UTRN: variants seen among roughly 807,000 people sequenced by gnomAD.
UTRN encodes the protein utrophin.
UTRN carries 283 observed loss-of-function variants against 463.9 expected under a neutral mutation model. That is an observed-to-expected ratio of 0.61 (90% CI 0.55 to 0.67). The LOEUF is 0.67. Ranked by LOEUF, UTRN falls within the 30% of genes least tolerant of loss-of-function variation. The pLI is 0.00. For missense variants in UTRN, 3,922 were observed against 4,084.3 expected, an observed-to-expected ratio of 0.96 and a Z score of 1.08; for synonymous variants, 1,442 against 1,431.5, an observed-to-expected ratio of 1.01 and a Z score of -0.17.
chr6:144,636,393 G>A (rs749525601), intron 51 of UTRN, among the ~76,000 whole-genome samples: 1 of 152,104 alleles, frequency 6.6e-6, no homozygotes. Flanking sequence ...GCCTGTCAGG[G>A]GGTGGGGGGC....
intron 50 of UTRN, among the ~76,000 whole-genome samples, chr6:144,560,037 C>T (rs907477461): frequency 2.0e-5 from 3 of 151,992 alleles, no homozygotes; most frequent in Non-Finnish European, 2.9e-5. Context: ...TTTTGAGTGT[C>T]GTCTCATTGT....
At chr6:144,291,277 G>A (rs964822104) in intron 1 of UTRN, among the ~76,000 whole-genome samples, 1 of 152,204 alleles carries the variant, frequency 6.6e-6, no homozygotes, top group Non-Finnish European at 1.5e-5. Context: ...ACACTGGCTT[G>A]TGCTCCATTC....
intron 53 of UTRN, among the ~76,000 whole-genome samples, chr6:144,724,009 C>CAAAAA (rs59598919): frequency 4.1e-4 from 24 of 58,602 alleles, no homozygotes; most frequent in Non-Finnish European, 5.9e-4. Flanking sequence ...GACTCCATCT[C>CAAAAA]AAAAAAAAAA....
intron 51 of UTRN, among the ~76,000 whole-genome samples, chr6:144,633,999 G>T (rs1210460455): frequency 6.6e-6 from 1 of 152,242 alleles, no homozygotes; most frequent in East Asian, 1.9e-4. Context: ...TAGCTGCACA[G>T]CTGAGCAAAA....
chr6:144,533,379 AT>A, intron 43 of UTRN, 119 bp downstream of exon 43: 2 of 1,457,442 alleles, frequency 1.4e-6, no homozygotes, highest in Non-Finnish European at 1.8e-6. Context: ...TTTTACTGAC[AT>A]TTAAGACCTC....
chr6:144,313,575 T>C (rs548424989), intron 2 of UTRN, among the ~76,000 whole-genome samples: 55 of 152,326 alleles, frequency 3.6e-4, no homozygotes, highest in African/African-American at 1.3e-3. Flanking sequence ...TGGGAAGGGC[T>C]TTGCACCCAA....
chr6:144,735,451 G>C (rs568303578), intron 54 of UTRN, among the ~76,000 whole-genome samples: 2 of 152,266 alleles, frequency 1.3e-5, no homozygotes, highest in East Asian at 3.9e-4. Context: ...ACGGCAGATG[G>C]GGATGAGATG....
chr6:144,776,680 T>TCACTATCA (rs1433475727), intron 60 of UTRN, among the ~76,000 whole-genome samples: 157 of 152,314 alleles, frequency 1.0e-3, no homozygotes, highest in African/African-American at 3.6e-3. Context: ...CACCATTTCA[T>TCACTATCA]CATCCACTTA....
intron 54 of UTRN, among the ~76,000 whole-genome samples, chr6:144,734,577 G>A (rs1237295434): frequency 6.6e-6 from 1 of 152,060 alleles, no homozygotes; most frequent in African/African-American, 2.4e-5. Context: ...GCCGCTCTTG[G>A]CTCCTTTGTC....
intron 51 of UTRN, among the ~76,000 whole-genome samples, chr6:144,622,503 TC>T (rs1775531114): frequency 6.6e-6 from 1 of 152,202 alleles, no homozygotes; most frequent in South Asian, 2.1e-4. Flanking sequence ...TATCTTCTAA[TC>T]AAGAAAAGAT....
At chr6:144,306,407 G>C (rs141243767) in intron 2 of UTRN, among the ~76,000 whole-genome samples, 5 of 152,246 alleles carry the variant, frequency 3.3e-5, no homozygotes, top group South Asian at 4.1e-4. Flanking sequence ...GGAAGGAGGA[G>C]AGGGGAGAGT....
intron 23 of UTRN, among the ~76,000 whole-genome samples, chr6:144,465,892 G>A (rs1789911022): frequency 6.6e-6 from 1 of 152,162 alleles, no homozygotes; most frequent in African/African-American, 2.4e-5. Context: ...GAACAAAATA[G>A]TTAACTCGTT....
intron 2 of UTRN, among the ~76,000 whole-genome samples, chr6:144,372,168 C>A (rs939466718): frequency 3.9e-5 from 6 of 152,240 alleles, no homozygotes. Context: ...TTAAGTTAAT[C>A]ATTTTTAATC....
chr6:144,463,007 A>G lies in UTRN; in HGVS notation c.3066+141A>G, dbSNP rs905038968. The G allele has an allele frequency of 2.5e-5, 20 of 793,102 alleles. No individual in the cohort carries two copies. The African/African-American group carries it at 3.2e-4, about 13-fold the overall frequency. The allele number at this position is 793,102 out of a possible 1,614,324, so 49.1% of individuals were successfully genotyped here. ...TTATGTATTTAAGTTGGGACTTATCAAAGATGTACTTTTAATGTGCTAGAG... is the reference window on the plus strand; with the variant it reads ...TTATGTATTTAAGTTGGGACTTATCGAAGATGTACTTTTAATGTGCTAGAG... On this transcript the variant is annotated intron_variant, in intron 23 of 74. Transcript: ENST00000367545.
intron 50 of UTRN, among the ~76,000 whole-genome samples, chr6:144,571,979 G>A (rs188278852): frequency 2.8e-4 from 42 of 152,204 alleles, no homozygotes; most frequent in Non-Finnish European, 4.4e-4. Flanking sequence ...CCTGTTGCTT[G>A]GATCTCATGG....
chr6:144,582,597 G>C (rs1349944913), intron 51 of UTRN, among the ~76,000 whole-genome samples: 1 of 152,144 alleles, frequency 6.6e-6, no homozygotes. Flanking sequence ...TGAAGATGCT[G>C]TCTAAGGGGA....
chr6:144,495,444 G>C (rs1405674085), intron 33 of UTRN, among the ~76,000 whole-genome samples: 9 of 152,256 alleles, frequency 5.9e-5, no homozygotes, highest in Non-Finnish European at 1.3e-4. Flanking sequence ...TGCTCCGAGT[G>C]CGGGGCCCGC....
In UTRN at chr6:144,766,025, G is replaced by A. The variant is rs1793290028; in HGVS notation, c.8496-5882G>A. On this transcript the variant is annotated intron_variant, in intron 58 of 74. Coordinates refer to ENST00000367545, the MANE Select transcript of UTRN (RefSeq NM_007124.3). Reference sequence around the variant, plus strand: ...GTGTTTGCGAGTGGATGAGGAAGTTGAATATAACCTGAGGAATATATAAGT... The same window carrying A: ...GTGTTTGCGAGTGGATGAGGAAGTTAAATATAACCTGAGGAATATATAAGT... 2.0e-5 allele frequency among the ~76,000 whole-genome samples: 3 copies of A among 151,904 alleles called. No homozygotes were observed. In the South Asian group the frequency reaches 6.2e-4, roughly 32 times the overall value.
rs371853401 is a variant in UTRN, at chr6:144,551,110, TATC to T, written c.6928+32_6928+34del. 5,619 of 1,488,640 alleles carry T rather than the reference TATC, an allele frequency of 3.8e-3. 11 individuals are homozygous for T. Among genetic ancestry groups the T allele is most frequent in the Middle Eastern group, 8.6e-3 (44 of 5,096 alleles). 92.2% of individuals were successfully genotyped at this position (1,488,640 alleles called of 1,614,324 possible). On this transcript the variant is annotated intron_variant, in intron 48 of 74. Coordinates refer to ENST00000367545, the MANE Select transcript of UTRN (RefSeq NM_007124.3). ...AAGTTTTTTAAAAAAAGTTATGTATTATCATCCACTTTCCCTGCAAATGGTGAC... is the reference window on the plus strand; with the variant it reads ...AAGTTTTTTAAAAAAAGTTATGTATTATCCACTTTCCCTGCAAATGGTGAC...
Sources: allele counts gnomAD v4.1 joint callset (sites outside exome capture counted in the v4.1 genomes callset), GRCh38; gene constraint gnomAD v4.1.1; transcripts MANE v1.5; gene names NCBI Gene and HGNC (gene_info 2026-07-23, HGNC 2026-07-21).